BMPR1A: variants seen among roughly 807,000 people sequenced by gnomAD.
BMPR1A encodes bone morphogenetic protein receptor type 1A.
A neutral mutation model predicts 66.0 loss-of-function variants in BMPR1A; 7 were observed. The observed-to-expected ratio is 0.11, with a 90% confidence interval of 0.06 to 0.20. The LOEUF (loss-of-function observed/expected upper bound fraction) is 0.20, where lower values mean the gene tolerates loss of function less well. Among genes scored for constraint, BMPR1A ranks in the 10% least tolerant of loss-of-function variants. The probability of loss-of-function intolerance (pLI) is 1.00; values close to 1 mark genes in which losing one functional copy is unlikely to be tolerated. For missense variants in BMPR1A, 408 were observed against 669.1 expected, an observed-to-expected ratio of 0.61 and a Z score of 4.31; for synonymous variants, 200 against 229.7, an observed-to-expected ratio of 0.87 and a Z score of 1.17.
chr10:86,917,932 C>T (rs1448696709), intron 9 of BMPR1A, among the ~76,000 whole-genome samples: 3 of 152,180 alleles, frequency 2.0e-5, no homozygotes, highest in African/African-American at 4.8e-5. Flanking sequence ...TGGCTTCAAC[C>T]TCCAAAACGT....
intron 3 of BMPR1A, among the ~76,000 whole-genome samples, chr10:86,883,549 C>CA (rs71019436): frequency 0.039 from 1,750 of 45,078 alleles, 82 homozygotes; most frequent in African/African-American, 0.086. Flanking sequence ...GACTCCGTCT[C>CA]AAAAAAAAAA....
rs377508250 is a variant in BMPR1A, at chr10:86,894,565, G to A, written c.333+2336G>A. On this transcript the variant is annotated intron_variant, in intron 5 of 12. Coordinates refer to ENST00000372037, the MANE Select transcript of BMPR1A (RefSeq NM_004329.3). The stretch of plus-strand genomic sequence containing the variant: ...AGCAGTAATAACCAGTGTTCAACAG[G>A]CCCCTAGTGTAGGCCTGTCCTAAGC... Among the ~76,000 whole-genome samples, 5 of 152,252 alleles carry A rather than the reference G, an allele frequency of 3.3e-5. 1 individual carries two copies. Among genetic ancestry groups the A allele is most frequent in the African/African-American group, 1.2e-4 (5 of 41,550 alleles).
intron 2 of BMPR1A, among the ~76,000 whole-genome samples, chr10:86,845,868 G>A (rs2133150071): frequency 6.6e-6 from 1 of 152,016 alleles, no homozygotes; most frequent in East Asian, 1.9e-4. Context: ...GTGATGGCGG[G>A]CGCCTGTAGT....
intron 1 of BMPR1A, among the ~76,000 whole-genome samples, chr10:86,810,748 GTTAT>G: frequency 6.6e-6 from 1 of 152,196 alleles, no homozygotes; most frequent in East Asian, 1.9e-4. Flanking sequence ...TTTTAACTGG[GTTAT>G]TTCTCTTTTT....
chr10:86,799,555 GTTTTC>G (rs1841781992), intron 1 of BMPR1A, among the ~76,000 whole-genome samples: 1 of 76,162 alleles, frequency 1.3e-5, no homozygotes, highest in Non-Finnish European at 3.0e-5. Flanking sequence ...TTCTTTTTTT[GTTTTC>G]TTTTGTTTTG....
chr10:86,855,102 A>T, intron 2 of BMPR1A: 1 of 266,982 alleles, frequency 3.7e-6, no homozygotes, highest in Non-Finnish European at 7.0e-6. Flanking sequence ...CCAGCTAATT[A>T]TTGTATTTTT....
At chr10:86,803,441 C>G (rs1841840669) in intron 1 of BMPR1A, among the ~76,000 whole-genome samples, 1 of 152,198 alleles carries the variant, frequency 6.6e-6, no homozygotes, top group African/African-American at 2.4e-5. Flanking sequence ...TGATGTCAAA[C>G]TTAGACATTT....
At chr10:86,860,745 G>A (rs1842702396) in intron 2 of BMPR1A, among the ~76,000 whole-genome samples, 1 of 149,748 alleles carries the variant, frequency 6.7e-6, no homozygotes, top group Non-Finnish European at 1.5e-5. Context: ...ACTACAGCCT[G>A]GGCAACAGAA....
chr10:86,910,566 C>A (rs1220786095), intron 7 of BMPR1A, among the ~76,000 whole-genome samples: 4 of 152,050 alleles, frequency 2.6e-5, no homozygotes, highest in Admixed American at 6.6e-5. Context: ...TAATTCTCTT[C>A]TAAGGAAGTG....
chr10:86,797,431 A>AG (rs1428736984), intron 1 of BMPR1A, among the ~76,000 whole-genome samples: 1 of 151,748 alleles, frequency 6.6e-6, no homozygotes, highest in African/African-American at 2.4e-5. Flanking sequence ...GGGGTTTCGC[A>AG]GTGTTGGTTG....
At chr10:86,794,321 G>A (rs941437629) in intron 1 of BMPR1A, among the ~76,000 whole-genome samples, 3 of 152,120 alleles carry the variant, frequency 2.0e-5, no homozygotes, top group Non-Finnish European at 2.9e-5. Flanking sequence ...CTGTGTAGCA[G>A]CACTGTGACG....
chr10:86,869,146 T>G (rs1025757497), intron 2 of BMPR1A, among the ~76,000 whole-genome samples: 2 of 152,176 alleles, frequency 1.3e-5, no homozygotes, highest in African/African-American at 4.8e-5. Flanking sequence ...CGTTAGATAT[T>G]ACAATTACAT....
At chr10:86,797,701 AT>A (rs916465108) in intron 1 of BMPR1A, among the ~76,000 whole-genome samples, 1 of 152,070 alleles carries the variant, frequency 6.6e-6, no homozygotes, top group African/African-American at 2.4e-5. Context: ...ATTGTATAGC[AT>A]TTTCAGGTAC....
chr10:86,894,443 G>C (rs1030470292), intron 5 of BMPR1A, among the ~76,000 whole-genome samples: 1 of 152,164 alleles, frequency 6.6e-6, no homozygotes, highest in South Asian at 2.1e-4. Flanking sequence ...CGTTGTTCCA[G>C]TTTTAGGCTA....
chr10:86,863,670 C>G (rs1842742548), intron 2 of BMPR1A, among the ~76,000 whole-genome samples: 2 of 152,080 alleles, frequency 1.3e-5, no homozygotes, highest in Non-Finnish European at 2.9e-5. Context: ...TCTGGGACTG[C>G]CTTATTCATA....
At position 86,917,243 on chromosome 10, in the gene BMPR1A, T is replaced by G. The variant is rs770830310; in HGVS notation, c.785T>G (p.Val262Gly). 2.5e-6 allele frequency: 4 copies of G among 1,613,644 alleles called. No individual in the cohort carries two copies. The highest frequency in any genetic ancestry group is 1.3e-5 in the African/African-American group (1 of 74,896). The change falls in exon 9 of 13, where the codon GTA (valine) becomes GGA (glycine). Residue 262 changes from valine to glycine, a missense_variant. This residue lies in a region of BMPR1A where 174 missense variants were observed against 265.1 expected (regional missense o/e 0.66). Transcript: ENST00000372037. ...KWRGEKVAVK[V>G]FFTTEEASWF... ...CGTGGCGAAAAAGTGGCGGTGAAAG[T>G]ATTCTTTACCACTGAAGAAGCCAGC... is the stretch of plus-strand genomic sequence containing the variant.
chr10:86,758,719 TCCTGCCTTTG>T (rs1381080641), intron 1 of BMPR1A, among the ~76,000 whole-genome samples: 1 of 152,232 alleles, frequency 6.6e-6, no homozygotes, highest in African/African-American at 2.4e-5. Flanking sequence ...AGTCTGCTTT[TCCTGCCTTTG>T]CCTGGTTGGT....
intron 1 of BMPR1A, among the ~76,000 whole-genome samples, chr10:86,815,808 C>T (rs1842029368): frequency 6.6e-6 from 1 of 152,206 alleles, no homozygotes; most frequent in African/African-American, 2.4e-5. Flanking sequence ...CTGATGGGAA[C>T]ATTTAATTCC....
At chr10:86,897,092 A>C (rs1202883774) in intron 5 of BMPR1A, among the ~76,000 whole-genome samples, 1 of 152,134 alleles carries the variant, frequency 6.6e-6, no homozygotes, top group South Asian at 2.1e-4. Context: ...CTATAGGACA[A>C]ATTATTTTTC....
Sources: gnomAD v4.1 joint callset for allele counts (sites outside exome capture counted in the v4.1 genomes callset) on GRCh38, gnomAD v4.1.1 for gene constraint, gnomAD v4.1.1 regional missense constraint, MANE v1.5 for transcripts, NCBI Gene and HGNC (gene_info 2026-07-23, HGNC 2026-07-21) for gene names.